The following CYP20A1 variants were observed in gnomAD, a reference collection of about 807,000 sequenced individuals.
The protein encoded by CYP20A1 is cytochrome P450 20A1.
In CYP20A1, 61 loss-of-function variants were observed where a neutral mutation model predicts 61.4. The observed-to-expected ratio is 0.99, with a 90% CI of 0.81 to 1.23. CYP20A1 has a LOEUF of 1.23. CYP20A1 is among the 50% of genes most tolerant of loss of function. The pLI is 0.00. For missense variants in CYP20A1, 530 were observed against 542.4 expected (o/e 0.98, Z 0.23); for synonymous variants, 193 against 188.2 (o/e 1.03, Z -0.21).
At chr2:203,252,374 G>GTA (rs34080677) in intron 4 of CYP20A1, among the ~76,000 whole-genome samples, 41 of 149,622 alleles carry the variant, frequency 2.7e-4, no homozygotes, top group East Asian at 9.8e-4. Flanking sequence ...GTATGTATGT[G>GTA]TATATATATA....
chr2:203,270,027 G>A (rs537950962), intron 5 of CYP20A1, among the ~76,000 whole-genome samples: 2 of 152,058 alleles, frequency 1.3e-5, no homozygotes, highest in Non-Finnish European at 2.9e-5. Context: ...TAAAGCAGGA[G>A]GATTACTTGA....
rs2066470837 is a variant in CYP20A1 at position 203,246,739 on chromosome 2, G to A, written c.123-16G>A. ...AATTAAATTGATTATTTTGTCAAAT[G>A]TTGCTCTTTTGCCAGAGATGGTAAT... is the stretch of plus-strand genomic sequence containing the variant. On this transcript the variant is annotated splice_polypyrimidine_tract_variant and intron_variant, in intron 2 of 12. Coordinates refer to ENST00000356079, the MANE Select transcript of CYP20A1 (RefSeq NM_177538.3). 6.2e-7 allele frequency: 1 copy of A among 1,607,432 alleles called. No homozygotes were observed. Among genetic ancestry groups the A allele is most frequent in the Admixed American group, 1.7e-5 (1 of 58,438 alleles).
chr2:203,303,000 T>C lies in CYP20A1; in HGVS notation c.*6092T>C, dbSNP rs1430175150. Among the ~76,000 whole-genome samples, 1 of 151,520 alleles carries C rather than the reference T, an allele frequency of 6.6e-6. No individual in the cohort carries two copies. The highest frequency in any genetic ancestry group is 1.5e-5 in the Non-Finnish European group (1 of 67,888). On this transcript the variant is annotated 3_prime_UTR_variant, in exon 13 of 13. Coordinates refer to ENST00000356079, the MANE Select transcript of CYP20A1 (RefSeq NM_177538.3). ...GCCACCGCGCTCGGTCCCTTTCTTT[T>C]TATTTATTTATTTATTTTGAGATGG...
Position 203,304,607 on chromosome 2 carries a change from A to G in CYP20A1, c.*7699A>G, listed in dbSNP as rs1367262916. ...ACATACATTTTTACATAGTACGTTC[A>G]TTGCAGCATGAGTTACTTTTCACTT... is the stretch of plus-strand genomic sequence containing the variant. On this transcript the variant is annotated 3_prime_UTR_variant, in exon 13 of 13. Transcript: ENST00000356079. Among the ~76,000 whole-genome samples, 1 of 152,156 alleles carries G rather than the reference A, an allele frequency of 6.6e-6. No individual in the cohort carries two copies. Among genetic ancestry groups the G allele is most frequent in the East Asian group, 1.9e-4 (1 of 5,200 alleles).
At chr2:203,291,101 CTTGCTCTGTT>C in intron 10 of CYP20A1, among the ~76,000 whole-genome samples, 1 of 151,984 alleles carries the variant, frequency 6.6e-6, no homozygotes, top group Admixed American at 6.6e-5. Flanking sequence ...TAGACAGGGT[CTTGCTCTGTT>C]ACCTAGGCTG....
chr2:203,253,519 A>G (rs1001556241), intron 4 of CYP20A1, among the ~76,000 whole-genome samples: 12 of 152,236 alleles, frequency 7.9e-5, no homozygotes, highest in Non-Finnish European at 1.2e-4. Context: ...TAAGGTACGC[A>G]CCGGCTCAGT....
rs1360876095 is a variant in CYP20A1 at position 203,302,243 on chromosome 2, A to G, written c.*5335A>G. The stretch of plus-strand genomic sequence containing the variant: ...TGCCCAGCCCCACTGTTAAGATTCT[A>G]ATGTAGGCCGGGCACAGTGACTCAT... On this transcript the variant is annotated 3_prime_UTR_variant, in exon 13 of 13. Transcript: ENST00000356079. Among the ~76,000 whole-genome samples, 1 of 152,126 alleles carries G rather than the reference A, an allele frequency of 6.6e-6. No individual in the cohort carries two copies. Among genetic ancestry groups the G allele is most frequent in the Non-Finnish European group, 1.5e-5 (1 of 68,006 alleles).
intron 5 of CYP20A1, among the ~76,000 whole-genome samples, chr2:203,269,711 C>G (rs1174279806): frequency 2.0e-5 from 3 of 151,964 alleles, no homozygotes; most frequent in Non-Finnish European, 4.4e-5. Context: ...ACCAGCTGGT[C>G]TCGAACTCCT....
In CYP20A1 at chr2:203,297,098, C is replaced by G; in HGVS notation, c.*190C>G. 2.4e-6 allele frequency: 1 copy of G among 418,546 alleles called. No homozygotes were observed. The allele number at this position is 418,546 out of a possible 1,614,324, so 25.9% of individuals were successfully genotyped here. ...CATTGTACACATTTGACTTACTGCA[C>G]AGTATATTGATCATTTTAATGGGAA... On this transcript the variant is annotated 3_prime_UTR_variant, in exon 13 of 13. Transcript: ENST00000356079.
chr2:203,301,914 CTTT>C lies in CYP20A1; in HGVS notation c.*5026_*5028del, dbSNP rs763764173. 2.9e-5 allele frequency among the ~76,000 whole-genome samples: 3 copies of C among 103,546 alleles called. No homozygotes were observed. The highest frequency in any genetic ancestry group is 1.3e-4 in the Admixed American group (1 of 7,916). The allele number at this position is 103,546 out of a possible 152,430, so 67.9% of individuals were successfully genotyped here. A position where few individuals can be genotyped will look rare whatever the true frequency, so the allele number is the denominator to read the frequency against. On this transcript the variant is annotated 3_prime_UTR_variant, in exon 13 of 13. Coordinates refer to ENST00000356079, the MANE Select transcript of CYP20A1 (RefSeq NM_177538.3). The stretch of plus-strand genomic sequence containing the variant: ...TTTGAAGTTAACCACTGTTAAGATT[CTTT>C]TTTTTTTTTTTTTTTTTTTGTTTTG...
chr2:203,294,940 A>ATTTTTTTTTTTTT (rs1559110323), intron 11 of CYP20A1, among the ~76,000 whole-genome samples: 6 of 91,250 alleles, frequency 6.6e-5, no homozygotes, highest in African/African-American at 2.7e-4. Context: ...CCTTTAAAAA[A>ATTTTTTTTTTTTT]ATTTTTTTTT....
Position 203,252,031 on chromosome 2 carries a change from T to A in CYP20A1, c.354T>A (p.Ser118Arg). ...ATCAATCTGGTGGTGGCAGTGTGAG[T>A]GAAAACCACATGAGGAAAAAATTGT... ...LRYQSGGGSVSENHMRKKLYE... is the reference protein window; with the variant it reads ...LRYQSGGGSVRENHMRKKLYE... The change falls in exon 4 of 13, where the codon AGT becomes AGA. Residue 118 changes from serine (S) to arginine (R), a missense_variant. Physicochemically the swap from Ser to Arg is moderately radical, Grantham distance 110. Transcript: ENST00000356079. 6.2e-7 allele frequency: 1 copy of A among 1,611,190 alleles called. No individual in the cohort carries two copies.
intron 4 of CYP20A1, among the ~76,000 whole-genome samples, chr2:203,256,724 G>A (rs920785689): frequency 2.6e-5 from 4 of 152,156 alleles, no homozygotes; most frequent in Non-Finnish European, 5.9e-5. Context: ...CTCCGTGAAG[G>A]TAGGGACTAT....
intron 5 of CYP20A1, among the ~76,000 whole-genome samples, chr2:203,268,724 T>A (rs1365250900): frequency 6.6e-6 from 1 of 152,084 alleles, no homozygotes; most frequent in African/African-American, 2.4e-5. Context: ...ATGCATAGAT[T>A]GTGTAGTGGT....
rs1006038335 is a variant in CYP20A1 at position 203,266,559 on chromosome 2, C to T, written c.478C>T (p.Gln160Ter). 1 of 1,614,046 alleles carries T rather than the reference C, an allele frequency of 6.2e-7. No homozygotes were observed. The highest frequency in any genetic ancestry group is 8.5e-7 in the Non-Finnish European group (1 of 1,179,968). Residue 160 changes from glutamine (Q) to a stop codon, truncating the protein, a stop_gained, in exon 5 of 13, where the codon CAG becomes TAG. Coordinates refer to ENST00000356079, the MANE Select transcript of CYP20A1 (RefSeq NM_177538.3). LOFTEE classifies it high-confidence loss of function. ...TAAATGGCTCTCCTACCCAGAGACCCAGCACGTGCCCCTCAGCCAGCATAT... is the reference window on the plus strand; with the variant it reads ...TAAATGGCTCTCCTACCCAGAGACCTAGCACGTGCCCCTCAGCCAGCATAT... ...LDKWLSYPET[Q>*]HVPLSQHMLG...
chr2:203,245,152 G>A (rs1222860068), intron 1 of CYP20A1, among the ~76,000 whole-genome samples: 1 of 149,066 alleles, frequency 6.7e-6, no homozygotes, highest in African/African-American at 2.5e-5. Context: ...TCAGCCTCCC[G>A]AGTAGCTGGG....
At chr2:203,285,210 C>G (rs549920367) in intron 8 of CYP20A1, among the ~76,000 whole-genome samples, 1 of 152,208 alleles carries the variant, frequency 6.6e-6, no homozygotes, top group East Asian at 1.9e-4. Context: ...TTCATTAGTG[C>G]TCCTAAGTGA....
At chr2:203,293,051 G>A (rs919255333) in intron 11 of CYP20A1, among the ~76,000 whole-genome samples, 6 of 151,368 alleles carry the variant, frequency 4.0e-5, no homozygotes, top group African/African-American at 1.5e-4. Flanking sequence ...GCGCATGCCT[G>A]TAATGCCAGC....
chr2:203,250,219 A>G (rs1347130702), intron 3 of CYP20A1, among the ~76,000 whole-genome samples: 1 of 152,236 alleles, frequency 6.6e-6, no homozygotes, highest in Non-Finnish European at 1.5e-5. Context: ...GGCTGAATAA[A>G]TGAATACTTT....
Sources: gnomAD v4.1 joint callset for allele counts (sites outside exome capture counted in the v4.1 genomes callset) on GRCh38, gnomAD v4.1.1 for gene constraint, MANE v1.5 for transcripts, NCBI Gene and HGNC (gene_info 2026-07-23, HGNC 2026-07-21) for gene names.